C8orf34: variants seen among roughly 807,000 people sequenced by gnomAD.
The protein encoded by C8orf34 is uncharacterized protein C8orf34.
A neutral mutation model predicts 68.3 loss-of-function variants in C8orf34; 65 were observed. The observed-to-expected ratio is 0.95, with a 90% CI of 0.78 to 1.17. The LOEUF (loss-of-function observed/expected upper bound fraction) is 1.17, where lower values mean the gene tolerates loss of function less well. Among genes scored for constraint, C8orf34 ranks in the 50% most tolerant of loss-of-function variants. C8orf34 has a pLI of 0.00. For missense variants in C8orf34, 664 were observed against 655.4 expected (o/e 1.01, Z -0.14); for synonymous variants, 244 against 241.2 (o/e 1.01, Z -0.11).
chr8:68,407,061 A>AGTTGG (rs1433619740), intron 1 of C8orf34, among the ~76,000 whole-genome samples: 6 of 152,224 alleles, frequency 3.9e-5, no homozygotes, highest in Non-Finnish European at 8.8e-5. Context: ...GGATCTACAT[A>AGTTGG]GAGGAATCAT....
intron 1 of C8orf34, among the ~76,000 whole-genome samples, chr8:68,390,549 T>C (rs757475382): frequency 1.2e-3 from 184 of 152,202 alleles, no homozygotes; most frequent in Non-Finnish European, 2.1e-3. Flanking sequence ...AGACTCTTTC[T>C]TTCCATCTCT....
intron 7 of C8orf34, among the ~76,000 whole-genome samples, chr8:68,603,521 ATATCTATCTATCTATC>A (rs10542466): frequency 1.1e-4 from 16 of 140,554 alleles, no homozygotes; most frequent in East Asian, 8.3e-4. Flanking sequence ...ATATATACAT[ATATCTATCTATCTATC>A]TATCTATCTA....
upstream of C8orf34, chr8:68,330,839 C>T: frequency 1.8e-6 from 1 of 540,700 alleles, no homozygotes; most frequent in Non-Finnish European, 3.1e-6. Context: ...GTGGCGAGTT[C>T]GAGCCCCGCG....
At chr8:68,656,145 T>C (rs1287900028) in intron 8 of C8orf34, among the ~76,000 whole-genome samples, 2 of 152,146 alleles carry the variant, frequency 1.3e-5, no homozygotes, top group African/African-American at 4.8e-5. Context: ...AGAGATGAGA[T>C]CTCTAACTAA....
chr8:68,787,475 T>C lies in C8orf34; in HGVS notation c.1488T>C (p.His496=), dbSNP rs1823876693. 5 of 1,612,610 alleles carry C rather than the reference T, an allele frequency of 3.1e-6. No individual in the cohort carries two copies. The highest frequency in any genetic ancestry group is 4.2e-6 in the Non-Finnish European group (5 of 1,179,072). ...CCTTAAAGCAATTGCAGGTAGTTCA[T>C]CAACCATGGATCTTGCCAAGTGACA... ...DESLKQLQVV[H]QPWILPSDTE... is the part of the protein sequence containing the mutation. Residue 496 remains histidine (H), a synonymous_variant, in exon 12 of 14, where the codon CAT becomes CAC. Coordinates refer to ENST00000518698, the MANE Select transcript of C8orf34 (RefSeq NM_052958.4).
chr8:68,342,693 C>G (rs1374550694), intron 1 of C8orf34, among the ~76,000 whole-genome samples: 1 of 152,184 alleles, frequency 6.6e-6, no homozygotes, highest in Non-Finnish European at 1.5e-5. Flanking sequence ...CCCACACTGT[C>G]TATTCCACCC....
At chr8:68,377,203 G>T (rs188546160) in intron 1 of C8orf34, among the ~76,000 whole-genome samples, 123 of 152,004 alleles carry the variant, frequency 8.1e-4, no homozygotes, top group Non-Finnish European at 1.5e-3. Flanking sequence ...ACTAGCCTGG[G>T]CAACATGGCA....
At position 68,352,325 on chromosome 8, in the gene C8orf34, G is replaced by A. The variant is rs546554106; in HGVS notation, c.327+20986G>A. Among the ~76,000 whole-genome samples the A allele has an allele frequency of 5.9e-5, 9 of 152,178 alleles. No homozygotes were observed. In the South Asian group the frequency reaches 1.2e-3, roughly 21 times the overall value. The stretch of plus-strand genomic sequence containing the variant: ...GTGGGCCTACTGAGAGTTCAGAGAC[G>A]TGAAAACTATGTCTGATATGTCATT... On this transcript the variant is annotated intron_variant, in intron 1 of 13. Coordinates refer to ENST00000518698, the MANE Select transcript of C8orf34 (RefSeq NM_052958.4).
chr8:68,642,228 A>G (rs1184242566), intron 8 of C8orf34, among the ~76,000 whole-genome samples: 2 of 152,206 alleles, frequency 1.3e-5, no homozygotes, highest in African/African-American at 2.4e-5. Context: ...AATGAGATAG[A>G]AAGAGATTTA....
intron 1 of C8orf34, among the ~76,000 whole-genome samples, chr8:68,399,140 G>T (rs1808843682): frequency 6.6e-6 from 1 of 151,982 alleles, no homozygotes; most frequent in Admixed American, 6.6e-5. Context: ...TAATAATAGT[G>T]AAAATTTATT....
At chr8:68,451,391 G>A (rs929008196) in intron 3 of C8orf34, among the ~76,000 whole-genome samples, 5 of 151,970 alleles carry the variant, frequency 3.3e-5, no homozygotes, top group East Asian at 1.9e-4. Flanking sequence ...CTAAATGTTC[G>A]GCACCAGAGG....
chr8:68,447,646 C>G (rs1212386334), intron 3 of C8orf34: 1 of 152,062 alleles, frequency 6.6e-6, no homozygotes, highest in African/African-American at 2.4e-5. Context: ...TTTGAAAAAC[C>G]ACTATGTGCT....
At chr8:68,437,346 G>A (rs1472187526) in intron 1 of C8orf34, among the ~76,000 whole-genome samples, 2 of 152,076 alleles carry the variant, frequency 1.3e-5, no homozygotes, top group Non-Finnish European at 2.9e-5. Flanking sequence ...ATTTTCAGAG[G>A]TGTCAGGATA....
chr8:68,593,867 G>T (rs1817467011), intron 7 of C8orf34, among the ~76,000 whole-genome samples: 1 of 151,886 alleles, frequency 6.6e-6, no homozygotes, highest in Non-Finnish European at 1.5e-5. Flanking sequence ...TAATAAGCAT[G>T]TTCAGCTCTC....
At chr8:68,443,194 G>A (rs193232778) in intron 2 of C8orf34, among the ~76,000 whole-genome samples, 7 of 152,142 alleles carry the variant, frequency 4.6e-5, no homozygotes, top group African/African-American at 1.7e-4. Flanking sequence ...GGATATTTGA[G>A]GATGGAAGAG....
chr8:68,607,878 T>A (rs1817901827), intron 7 of C8orf34, among the ~76,000 whole-genome samples: 1 of 152,098 alleles, frequency 6.6e-6, no homozygotes, highest in African/African-American at 2.4e-5. Flanking sequence ...CTAAGATACG[T>A]TCAAAAGGAT....
chr8:68,384,467 T>A (rs1808172097), intron 1 of C8orf34, among the ~76,000 whole-genome samples: 3 of 152,228 alleles, frequency 2.0e-5, no homozygotes, highest in Admixed American at 2.0e-4. Flanking sequence ...AAGATATTGC[T>A]TTACTTGTTA....
At chr8:68,528,945 C>T (rs1815129942) in intron 6 of C8orf34, among the ~76,000 whole-genome samples, 1 of 152,200 alleles carries the variant, frequency 6.6e-6, no homozygotes, top group Non-Finnish European at 1.5e-5. Flanking sequence ...GGGTGAGTCA[C>T]TCATGCTCCG....
intron 7 of C8orf34, among the ~76,000 whole-genome samples, chr8:68,536,217 C>G (rs1035850678): frequency 6.6e-6 from 1 of 151,422 alleles, no homozygotes; most frequent in African/African-American, 2.4e-5. Flanking sequence ...CTCGTCTCTA[C>G]AAAAAATACT....
Sources: gnomAD v4.1 joint callset for allele counts (sites outside exome capture counted in the v4.1 genomes callset) on GRCh38, gnomAD v4.1.1 for gene constraint, MANE v1.5 for transcripts, NCBI Gene and HGNC (gene_info 2026-07-23, HGNC 2026-07-21) for gene names.